PECAM1: variants seen among roughly 807,000 people sequenced by gnomAD.
PECAM1 encodes the protein platelet and endothelial cell adhesion molecule 1, also known as platelet endothelial cell adhesion molecule.
PECAM1 carries 8 observed loss-of-function variants against 13.8 expected under a neutral mutation model. The ratio of observed to expected loss-of-function variants is 0.58; its 90% CI spans 0.34 to 1.05. The LOEUF is 1.05. Ranked by LOEUF, PECAM1 falls within the 50% of genes least tolerant of loss-of-function variation. The pLI, the probability that PECAM1 is intolerant of heterozygous loss-of-function variation, is 0.03. For missense variants in PECAM1, 304 were observed against 141.2 expected (o/e 2.15, Z -5.84); for synonymous variants, 136 against 52.6 (o/e 2.58, Z -6.86).
chr17:64,343,563 C>T (rs1209846942), intron 13 of PECAM1, among the ~76,000 whole-genome samples: 1 of 152,192 alleles, frequency 6.6e-6, no homozygotes, highest in Non-Finnish European at 1.5e-5. Context: ...CTGGGGGCAC[C>T]TGTCCAAGTT....
At chr17:64,346,282 G>A (rs1023909535) in intron 13 of PECAM1, among the ~76,000 whole-genome samples, 3 of 152,140 alleles carry the variant, frequency 2.0e-5, no homozygotes, top group East Asian at 1.9e-4. Context: ...AGTGACCCCC[G>A]GGGACTGTGT....
chr17:64,329,190 C>T (rs1555646183), intron 15 of PECAM1, among the ~76,000 whole-genome samples: 1 of 152,148 alleles, frequency 6.6e-6, no homozygotes, highest in South Asian at 2.1e-4. Context: ...GGTCTCTGTT[C>T]TGTGTTCCCA....
intron 15 of PECAM1, among the ~76,000 whole-genome samples, chr17:64,325,556 C>T (rs138969655): frequency 1.6e-3 from 239 of 152,124 alleles, no homozygotes; most frequent in African/African-American, 5.4e-3. Flanking sequence ...GGCAACATGG[C>T]GAAGCCCCAT....
chr17:64,387,340 G>A (rs1449189323), intron 2 of PECAM1, among the ~76,000 whole-genome samples: 1 of 152,080 alleles, frequency 6.6e-6, no homozygotes, highest in Non-Finnish European at 1.5e-5. Context: ...GAGGTGAGGT[G>A]GGTAGGCACA....
intron 13 of PECAM1, 24 bp from the exon 14 acceptor site, chr17:64,341,714 TTAG>T (rs1172382155): frequency 2.3e-5 from 10 of 426,338 alleles, no homozygotes; most frequent in Non-Finnish European, 3.8e-5. Context: ...CAGGCATAAG[TTAG>T]TAGCTGCCTC....
intron 7 of PECAM1, among the ~76,000 whole-genome samples, chr17:64,358,182 G>A (rs916547799): frequency 3.7e-5 from 5 of 134,696 alleles, no homozygotes; most frequent in South Asian, 2.4e-4. Context: ...GCAGTGGCAC[G>A]ATCTTGGCTC....
intron 14 of PECAM1, 131 bp from the exon 15 acceptor site, chr17:64,329,853 A>G: frequency 1.4e-6 from 1 of 703,668 alleles, no homozygotes; most frequent in East Asian, 2.7e-5. Flanking sequence ...ATCAGCCGGC[A>G]GGTGCCCTTA....
At chr17:64,335,033 G>A (rs1027520718) in intron 14 of PECAM1, among the ~76,000 whole-genome samples, 3 of 152,098 alleles carry the variant, frequency 2.0e-5, no homozygotes, top group Admixed American at 2.0e-4. Context: ...CCAGCGTGAC[G>A]GCAGCAGCTG....
At chr17:64,340,404 C>A (rs2035395391) in intron 14 of PECAM1, among the ~76,000 whole-genome samples, 1 of 151,928 alleles carries the variant, frequency 6.6e-6, no homozygotes, top group East Asian at 1.9e-4. Flanking sequence ...GAGTAGCCAC[C>A]CTTTGCAGAA....
intron 14 of PECAM1, among the ~76,000 whole-genome samples, chr17:64,336,227 C>T (rs1460616192): frequency 7.3e-5 from 11 of 150,424 alleles, no homozygotes; most frequent in African/African-American, 2.7e-4. Flanking sequence ...GATCGCGCCA[C>T]TGCACTCCAG....
intron 15 of PECAM1, 37 bp from the exon 16 acceptor site, chr17:64,323,882 C>G (rs782677947): frequency 1.3e-6 from 1 of 791,816 alleles, no homozygotes; most frequent in African/African-American, 1.7e-5. Flanking sequence ...TATGATCACA[C>G]CTCTCAAGAT....
At position 64,332,794 on chromosome 17, in the gene PECAM1, G is replaced by A. The variant is rs528690893; in HGVS notation, c.2165-3072C>T. Among the ~76,000 whole-genome samples, 13 of 152,328 alleles carry A rather than the reference G, an allele frequency of 8.5e-5. No individual in the cohort carries two copies. The South Asian group carries it at 1.0e-3, about 12-fold the overall frequency. ...TGGTATACTGGGTGGCAGGGGATGC[G>A]GTGAGGACCAGGGTTTCTGCCTCCC... On this transcript the variant is annotated intron_variant, in intron 14 of 15. Transcript: ENST00000563924.
chr17:64,343,980 C>G (rs1056398930), intron 13 of PECAM1, among the ~76,000 whole-genome samples: 18 of 152,152 alleles, frequency 1.2e-4, no homozygotes, highest in Admixed American at 2.6e-4. Flanking sequence ...GAAAGGTGAT[C>G]GGGCCTGGTC....
intron 11 of PECAM1, among the ~76,000 whole-genome samples, chr17:64,352,155 A>C (rs4968724): frequency 0.87 from 132,553 of 152,206 alleles, 59,915 homozygotes; most frequent in East Asian, 1. Context: ...TATTCTCCAT[A>C]TTTCTTCTAC....
intron 11 of PECAM1, among the ~76,000 whole-genome samples, chr17:64,351,368 TTTGTGAGACA>T (rs2035719268): frequency 6.6e-6 from 1 of 152,210 alleles, no homozygotes; most frequent in Non-Finnish European, 1.5e-5. Context: ...AATTTCTTAT[TTTGTGAGACA>T]TTTATAGAAT....
In PECAM1 at chr17:64,323,435, T is replaced by G. The variant is rs55744312; in HGVS notation, c.*381A>C. On this transcript the variant is annotated 3_prime_UTR_variant, in exon 16 of 16. Coordinates refer to ENST00000563924, the MANE Select transcript of PECAM1 (RefSeq NM_000442.5). ...GCCATGCGCTAGAAATGATTGAGTATAAAAAAGAAAATTGGTTTCTGTGTA... is the reference window on the plus strand; with the variant it reads ...GCCATGCGCTAGAAATGATTGAGTAGAAAAAAGAAAATTGGTTTCTGTGTA... The G allele has an allele frequency of 7.0e-4, 811 of 1,151,776 alleles. No homozygotes were observed. The highest frequency in any genetic ancestry group is 8.2e-4 in the Non-Finnish European group (761 of 929,048). The allele number at this position is 1,151,776 out of a possible 1,614,324, so 71.3% of individuals were successfully genotyped here.
At chr17:64,357,198 G>A (rs1181222892) in intron 7 of PECAM1, among the ~76,000 whole-genome samples, 3 of 152,068 alleles carry the variant, frequency 2.0e-5, no homozygotes, top group East Asian at 1.9e-4. Flanking sequence ...TGTTTTCCCC[G>A]GAAGTATGAA....
chr17:64,369,479 G>A (rs1228843709), intron 5 of PECAM1, among the ~76,000 whole-genome samples: 3 of 152,082 alleles, frequency 2.0e-5, no homozygotes, highest in Non-Finnish European at 2.9e-5. Context: ...ACAGCGCTGC[G>A]GCACGTTCAA....
At chr17:64,389,467 A>G (rs1400340734) in intron 2 of PECAM1, among the ~76,000 whole-genome samples, 2 of 152,218 alleles carry the variant, frequency 1.3e-5, no homozygotes, top group Non-Finnish European at 2.9e-5. Context: ...GTACAAGCAC[A>G]AAATATTACA....
Sources: allele counts gnomAD v4.1 joint callset (sites outside exome capture counted in the v4.1 genomes callset), GRCh38; gene constraint gnomAD v4.1.1; transcripts MANE v1.5; gene names NCBI Gene and HGNC (gene_info 2026-07-23, HGNC 2026-07-21).